Variants in SPATA17 observed in about 807,000 individuals in gnomAD.
SPATA17 encodes spermatogenesis-associated protein 17.
SPATA17 carries 53 observed loss-of-function variants against 62.2 expected under a neutral mutation model. The observed-to-expected ratio is 0.85, with a 90% CI of 0.68 to 1.07. SPATA17 has a LOEUF of 1.07. Among genes scored for constraint, SPATA17 ranks in the 50% least tolerant of loss-of-function variants. The pLI is 0.00. For missense variants in SPATA17, 466 were observed against 425.5 expected, an observed-to-expected ratio of 1.10 and a Z score of -0.84; for synonymous variants, 146 against 146.8, an observed-to-expected ratio of 0.99 and a Z score of 0.04.
intron 6 of SPATA17, among the ~76,000 whole-genome samples, chr1:217,771,577 A>T (rs1290844900): frequency 1.3e-5 from 2 of 152,246 alleles, no homozygotes; most frequent in East Asian, 3.9e-4. Flanking sequence ...TGCTCTAGGG[A>T]TTGTGGGAGT....
chr1:217,724,924 C>T (rs1571760041), intron 5 of SPATA17, among the ~76,000 whole-genome samples: 1 of 152,110 alleles, frequency 6.6e-6, no homozygotes, highest in Non-Finnish European at 1.5e-5. Context: ...ATTATCTTTC[C>T]TTGTTTGCAT....
In SPATA17 at chr1:217,801,736, ATAC is replaced by A; in HGVS notation, c.892_894del (p.Tyr298del). ...CTTTCAGGTTTTTGCCATTTTCTTC[ATAC>A]CATAAAAATGAAAAGTACATCCCAT... On this transcript the variant is annotated inframe_deletion, in exon 9 of 11. Transcript: ENST00000366933. The A allele has an allele frequency of 6.2e-7, 1 of 1,602,544 alleles. No individual in the cohort carries two copies. Among genetic ancestry groups the A allele is most frequent in the South Asian group, 1.1e-5 (1 of 88,846 alleles).
At chr1:217,650,400 C>T (rs946286026) in intron 2 of SPATA17, among the ~76,000 whole-genome samples, 1 of 152,004 alleles carries the variant, frequency 6.6e-6, no homozygotes, top group Admixed American at 6.6e-5. Flanking sequence ...AATTCTTTCT[C>T]TCTCTCTCTT....
intron 9 of SPATA17, among the ~76,000 whole-genome samples, chr1:217,831,079 T>A (rs184254182): frequency 1.5e-3 from 223 of 152,294 alleles, no homozygotes; most frequent in Non-Finnish European, 2.3e-3. Context: ...TTTAATAAAA[T>A]TGGCTTTTCC....
intron 9 of SPATA17, among the ~76,000 whole-genome samples, chr1:217,827,368 C>CA (rs1384288932): frequency 6.6e-6 from 1 of 152,044 alleles, no homozygotes; most frequent in Non-Finnish European, 1.5e-5. Flanking sequence ...ACATTTAAGA[C>CA]AATTTCTATT....
chr1:217,820,407 A>G (rs1674830232), intron 9 of SPATA17, among the ~76,000 whole-genome samples: 1 of 152,010 alleles, frequency 6.6e-6, no homozygotes, highest in South Asian at 2.1e-4. Context: ...TTCTACAAGA[A>G]TGGCAGTGGA....
At chr1:217,737,137 C>T (rs1672527416) in intron 5 of SPATA17, among the ~76,000 whole-genome samples, 1 of 152,190 alleles carries the variant, frequency 6.6e-6, no homozygotes. Flanking sequence ...GATTCAAATT[C>T]TAACTCTGTC....
At chr1:217,856,076 A>G (rs1026638684) in intron 9 of SPATA17, among the ~76,000 whole-genome samples, 1 of 152,146 alleles carries the variant, frequency 6.6e-6, no homozygotes, top group Non-Finnish European at 1.5e-5. Context: ...ACAGGAAAAG[A>G]ATCAGTAGAA....
At chr1:217,810,262 G>A (rs1208645141) in intron 9 of SPATA17, among the ~76,000 whole-genome samples, 1 of 151,984 alleles carries the variant, frequency 6.6e-6, no homozygotes, top group African/African-American at 2.4e-5. Flanking sequence ...TATTTTAGAG[G>A]AATAATTATA....
chr1:217,682,126 G>T (rs1207146391), intron 4 of SPATA17, among the ~76,000 whole-genome samples: 1 of 151,970 alleles, frequency 6.6e-6, no homozygotes, highest in African/African-American at 2.4e-5. Flanking sequence ...TTCAATATGT[G>T]CTATTTCTTT....
chr1:217,643,242 G>T (rs1358089108), intron 1 of SPATA17, among the ~76,000 whole-genome samples: 1 of 151,952 alleles, frequency 6.6e-6, no homozygotes, highest in African/African-American at 2.4e-5. Context: ...TTACTTATCT[G>T]ATCAGATCCT....
At chr1:217,680,922 TAAAA>T (rs71166016) in intron 4 of SPATA17, among the ~76,000 whole-genome samples, 877 of 58,172 alleles carry the variant, frequency 0.015, 13 homozygotes, top group African/African-American at 0.043. Flanking sequence ...GAGACTCTGT[TAAAA>T]AAAAAAAAAA....
At chr1:217,833,408 A>T (rs774422240) in intron 9 of SPATA17, among the ~76,000 whole-genome samples, 2 of 152,196 alleles carry the variant, frequency 1.3e-5, no homozygotes, top group Non-Finnish European at 2.9e-5. Context: ...AAGGAGGGAT[A>T]GCGTTAATAA....
At chr1:217,771,406 G>A (rs960080614) in intron 6 of SPATA17, among the ~76,000 whole-genome samples, 9 of 151,916 alleles carry the variant, frequency 5.9e-5, no homozygotes, top group African/African-American at 2.2e-4. Context: ...GTGACTCATA[G>A]TAATATTTTT....
intron 5 of SPATA17, among the ~76,000 whole-genome samples, chr1:217,711,553 A>T (rs1461910883): frequency 1.3e-5 from 2 of 152,184 alleles, no homozygotes; most frequent in Non-Finnish European, 2.9e-5. Flanking sequence ...CAGAAATCAG[A>T]TTTCTTCATC....
chr1:217,823,420 A>G (rs1432670026), intron 9 of SPATA17, among the ~76,000 whole-genome samples: 1 of 151,938 alleles, frequency 6.6e-6, no homozygotes, highest in Non-Finnish European at 1.5e-5. Context: ...AGTTTTATAT[A>G]GGGCTCTCTA....
At chr1:217,822,518 T>C (rs1674888337) in intron 9 of SPATA17, among the ~76,000 whole-genome samples, 3 of 150,916 alleles carry the variant, frequency 2.0e-5, no homozygotes, top group Admixed American at 2.0e-4. Context: ...ATCTGTGGTG[T>C]CTTTCACCAA....
chr1:217,774,588 T>G (rs1673543617), intron 7 of SPATA17, 51 bp downstream of exon 7: 1 of 1,515,424 alleles, frequency 6.6e-7, no homozygotes, highest in Admixed American at 1.9e-5. Context: ...TCTTGCTATT[T>G]TTTGCACTTT....
At chr1:217,822,241 A>G (rs542952541) in intron 9 of SPATA17, among the ~76,000 whole-genome samples, 1 of 152,122 alleles carries the variant, frequency 6.6e-6, no homozygotes, top group East Asian at 1.9e-4. Context: ...TCAACACTGA[A>G]TATTTTTTAT....
Sources: allele counts gnomAD v4.1 joint callset (sites outside exome capture counted in the v4.1 genomes callset), GRCh38; gene constraint gnomAD v4.1.1; transcripts MANE v1.5; gene names NCBI Gene and HGNC (gene_info 2026-07-23, HGNC 2026-07-21).